SORCS3: variants seen among roughly 807,000 people sequenced by gnomAD.
SORCS3 encodes the protein VPS10 domain-containing receptor SorCS3.
In SORCS3, 57 loss-of-function variants were observed where a neutral mutation model predicts 146.3. That is an observed-to-expected ratio of 0.39 (90% CI 0.31 to 0.49). The LOEUF (loss-of-function observed/expected upper bound fraction) is 0.49, where lower values mean the gene tolerates loss of function less well. Ranked by LOEUF, SORCS3 falls within the 20% of genes least tolerant of loss-of-function variation. The pLI is 0.92. For synonymous variants in SORCS3, 653 were observed against 618.5 expected, an observed-to-expected ratio of 1.06 and a Z score of -0.83; for missense variants, 1,341 against 1,575.5, an observed-to-expected ratio of 0.85 and a Z score of 2.52.
chr10:105,100,126 C>A (rs568995859), intron 6 of SORCS3, among the ~76,000 whole-genome samples: 44 of 152,152 alleles, frequency 2.9e-4, no homozygotes, highest in Non-Finnish European at 5.0e-4. Flanking sequence ...AGCTGTAGAG[C>A]TAGTTTGAAA....
At chr10:105,005,967 T>C (rs2055092659) in intron 4 of SORCS3, among the ~76,000 whole-genome samples, 2 of 152,192 alleles carry the variant, frequency 1.3e-5, no homozygotes, top group Admixed American at 6.5e-5. Context: ...TTCTTTAAGA[T>C]GGAGTCTTGC....
At chr10:105,160,597 A>C (rs1334063357) in intron 11 of SORCS3, among the ~76,000 whole-genome samples, 1 of 152,224 alleles carries the variant, frequency 6.6e-6, no homozygotes, top group African/African-American at 2.4e-5. Context: ...ACTGCACTCC[A>C]GCCTGGGTGA....
intron 4 of SORCS3, among the ~76,000 whole-genome samples, chr10:104,987,345 T>C (rs2054968280): frequency 6.6e-6 from 1 of 152,154 alleles, no homozygotes; most frequent in African/African-American, 2.4e-5. Context: ...CCATTTCTTT[T>C]CCAAATTTTT....
chr10:105,249,880 C>A (rs762812620), intron 22 of SORCS3, among the ~76,000 whole-genome samples: 5 of 146,828 alleles, frequency 3.4e-5, no homozygotes, highest in East Asian at 2.0e-4. Flanking sequence ...GACTCCATCT[C>A]AAAAAAAAAC....
chr10:104,858,596 C>T (rs571976781), intron 2 of SORCS3, among the ~76,000 whole-genome samples: 2 of 151,166 alleles, frequency 1.3e-5, no homozygotes, highest in Non-Finnish European at 2.9e-5. Flanking sequence ...TCTTAGCATA[C>T]ATTGTCAGAT....
chr10:104,878,365 G>A (rs1200378828), intron 2 of SORCS3, among the ~76,000 whole-genome samples: 1 of 152,160 alleles, frequency 6.6e-6, no homozygotes, highest in Non-Finnish European at 1.5e-5. Context: ...GTGCTATGAT[G>A]AGCAAAGGAG....
intron 1 of SORCS3, among the ~76,000 whole-genome samples, chr10:104,837,362 T>G (rs2018082331): frequency 6.6e-6 from 1 of 152,212 alleles, no homozygotes; most frequent in South Asian, 2.1e-4. Context: ...CTTCCATAAA[T>G]GTAATTTTCC....
At chr10:104,958,655 A>G (rs532218099) in intron 3 of SORCS3, among the ~76,000 whole-genome samples, 11 of 152,220 alleles carry the variant, frequency 7.2e-5, no homozygotes, top group Non-Finnish European at 1.2e-4. Flanking sequence ...TGCAAAAGGC[A>G]AAGAAAACAG....
chr10:105,153,326 AT>A (rs1451870409), intron 9 of SORCS3, among the ~76,000 whole-genome samples: 17 of 152,096 alleles, frequency 1.1e-4, no homozygotes, highest in African/African-American at 3.9e-4. Flanking sequence ...CTGTTGTGTG[AT>A]GTGACAGAGG....
intron 20 of SORCS3, among the ~76,000 whole-genome samples, chr10:105,242,542 T>C (rs1318340322): frequency 1.0e-5 from 1 of 97,902 alleles, no homozygotes; most frequent in African/African-American, 4.3e-5. Flanking sequence ...TTATATATAT[T>C]TATATATTTA....
At chr10:104,918,499 T>A (rs1027557331) in intron 3 of SORCS3, among the ~76,000 whole-genome samples, 1 of 152,218 alleles carries the variant, frequency 6.6e-6, no homozygotes, top group Non-Finnish European at 1.5e-5. Flanking sequence ...ATGTCCTTGA[T>A]GGGCACATGA....
chr10:104,840,305 T>G (rs1443053627), intron 1 of SORCS3, among the ~76,000 whole-genome samples: 2 of 152,222 alleles, frequency 1.3e-5, no homozygotes, highest in Non-Finnish European at 2.9e-5. Flanking sequence ...TAGAAACACT[T>G]CAGCATTCCC....
intron 3 of SORCS3, among the ~76,000 whole-genome samples, chr10:104,961,541 A>T (rs934459700): frequency 6.6e-6 from 1 of 152,190 alleles, no homozygotes; most frequent in Non-Finnish European, 1.5e-5. Context: ...TTGCTTTTTA[A>T]AATTACTGGA....
chr10:105,035,464 GTT>G (rs58969291), intron 4 of SORCS3, among the ~76,000 whole-genome samples: 4,750 of 141,170 alleles, frequency 0.034, 254 homozygotes, highest in African/African-American at 0.12. Context: ...TTCTCACCAA[GTT>G]TTTTTTTTTT....
chr10:105,158,287 T>G (rs1028227137), intron 10 of SORCS3, among the ~76,000 whole-genome samples: 1 of 152,156 alleles, frequency 6.6e-6, no homozygotes, highest in African/African-American at 2.4e-5. Context: ...CCCAAGCCCT[T>G]TTAAGAACAC....
intron 5 of SORCS3, among the ~76,000 whole-genome samples, chr10:105,076,290 T>G (rs2055588384): frequency 1.3e-5 from 2 of 152,186 alleles, no homozygotes; most frequent in Admixed American, 6.5e-5. Flanking sequence ...AGAGACGAAC[T>G]TTTGTCTAAA....
intron 1 of SORCS3, among the ~76,000 whole-genome samples, chr10:104,705,566 A>G (rs187613361): frequency 6.6e-6 from 1 of 152,320 alleles, no homozygotes; most frequent in African/African-American, 2.4e-5. Context: ...TGTAATTATA[A>G]TGACATGTAA....
chr10:104,651,960 C>T (rs72811701), intron 1 of SORCS3, among the ~76,000 whole-genome samples: 13,973 of 152,020 alleles, frequency 0.092, 724 homozygotes, highest in Middle Eastern at 0.13. Flanking sequence ...AATATCTAGC[C>T]CCCTTGACTA....
At chr10:104,976,253 C>T (rs1364511468) in intron 3 of SORCS3, among the ~76,000 whole-genome samples, 1 of 152,120 alleles carries the variant, frequency 6.6e-6, no homozygotes, top group Non-Finnish European at 1.5e-5. Flanking sequence ...GGGCAAAGGA[C>T]ATGAATAGAC....
Sources: gnomAD v4.1 joint callset for allele counts (sites outside exome capture counted in the v4.1 genomes callset) on GRCh38, gnomAD v4.1.1 for gene constraint, MANE v1.5 for transcripts, NCBI Gene and HGNC (gene_info 2026-07-23, HGNC 2026-07-21) for gene names.